Variants in ROBO1 observed in about 807,000 individuals in gnomAD.
The protein encoded by ROBO1 is roundabout homolog 1.
In ROBO1, 149 loss-of-function variants were observed where a neutral mutation model predicts 195.9. The observed-to-expected ratio is 0.76, with a 90% CI of 0.67 to 0.87. The LOEUF (loss-of-function observed/expected upper bound fraction) is 0.87. Ranked by LOEUF, ROBO1 falls within the 40% of genes least tolerant of loss-of-function variation. ROBO1 has a pLI of 0.00. For synonymous variants in ROBO1, 816 were observed against 733.2 expected, an observed-to-expected ratio of 1.11 and a Z score of -1.82; for missense variants, 1,933 against 2,068.3, an observed-to-expected ratio of 0.93 and a Z score of 1.27.
chr3:79,350,776 G>A (rs1475474338), intron 2 of ROBO1, among the ~76,000 whole-genome samples: 1 of 152,126 alleles, frequency 6.6e-6, no homozygotes, highest in East Asian at 1.9e-4. Flanking sequence ...TATTTTTAGT[G>A]CTGAGGGGAT....
At chr3:79,082,432 C>T (rs1260333173) in intron 3 of ROBO1, among the ~76,000 whole-genome samples, 6 of 151,974 alleles carry the variant, frequency 3.9e-5, no homozygotes, top group Admixed American at 2.6e-4. Flanking sequence ...AAGCATAACA[C>T]CTAATAAATC....
intron 5 of ROBO1, among the ~76,000 whole-genome samples, chr3:78,724,931 T>C (rs992165763): frequency 6.6e-6 from 1 of 152,176 alleles, no homozygotes; most frequent in Non-Finnish European, 1.5e-5. Flanking sequence ...CGGCTGGATT[T>C]GACAGTCGAA....
chr3:78,678,144 A>T (rs1280310824), intron 10 of ROBO1, among the ~76,000 whole-genome samples: 4 of 152,138 alleles, frequency 2.6e-5, no homozygotes, highest in Non-Finnish European at 5.9e-5. Flanking sequence ...AAGACACAAC[A>T]TACCAGAATC....
At chr3:79,193,305 G>A (rs574254177) in intron 2 of ROBO1, among the ~76,000 whole-genome samples, 81 of 151,702 alleles carry the variant, frequency 5.3e-4, no homozygotes, top group African/African-American at 1.9e-3. Context: ...TTATAACAAC[G>A]AATTCAGGAC....
At chr3:79,696,474 A>G (rs1323816152) in intron 1 of ROBO1, among the ~76,000 whole-genome samples, 1 of 149,820 alleles carries the variant, frequency 6.7e-6, no homozygotes, top group East Asian at 2.0e-4. Context: ...ATATATATAC[A>G]CACACAGGTA....
intron 2 of ROBO1, among the ~76,000 whole-genome samples, chr3:79,567,972 T>G (rs955401084): frequency 3.3e-5 from 5 of 152,120 alleles, no homozygotes; most frequent in African/African-American, 1.2e-4. Flanking sequence ...CTTAGATATG[T>G]TTTCTAAATT....
At chr3:79,681,935 T>C (rs977711774) in intron 1 of ROBO1, among the ~76,000 whole-genome samples, 1 of 152,080 alleles carries the variant, frequency 6.6e-6, no homozygotes, top group Non-Finnish European at 1.5e-5. Context: ...TATCATATTA[T>C]TTCATTGTTA....
intron 1 of ROBO1, among the ~76,000 whole-genome samples, chr3:79,708,530 C>T (rs1702149098): frequency 6.6e-6 from 1 of 152,050 alleles, no homozygotes; most frequent in Non-Finnish European, 1.5e-5. Context: ...AATTTTGCCT[C>T]CTCTACATGA....
intron 3 of ROBO1, among the ~76,000 whole-genome samples, chr3:78,997,025 G>A (rs2077383788): frequency 6.6e-6 from 1 of 152,050 alleles, no homozygotes; most frequent in Non-Finnish European, 1.5e-5. Context: ...ATTTTTGCTG[G>A]TCATAAATGG....
intron 4 of ROBO1, among the ~76,000 whole-genome samples, chr3:78,932,793 G>T (rs1314714324): frequency 6.6e-6 from 1 of 152,136 alleles, no homozygotes; most frequent in African/African-American, 2.4e-5. Flanking sequence ...GTTATCTCTG[G>T]ATAGCAGGAT....
chr3:79,506,128 T>C (rs1019762998), intron 2 of ROBO1, among the ~76,000 whole-genome samples: 21 of 151,850 alleles, frequency 1.4e-4, no homozygotes, highest in African/African-American at 4.6e-4. Context: ...TTTATTTATT[T>C]ATTATTATTA....
intron 4 of ROBO1, among the ~76,000 whole-genome samples, chr3:78,902,135 G>A (rs2037628156): frequency 6.6e-6 from 1 of 152,052 alleles, no homozygotes; most frequent in Admixed American, 6.6e-5. Flanking sequence ...TAAAGCTATT[G>A]TAGGGGTAAA....
intron 4 of ROBO1, among the ~76,000 whole-genome samples, chr3:78,765,558 T>C (rs972416900): frequency 1.3e-5 from 2 of 152,052 alleles, no homozygotes; most frequent in Non-Finnish European, 2.9e-5. Context: ...GAGTAGGAGA[T>C]ACACTGCCCA....
chr3:78,991,753 C>T lies in ROBO1; in HGVS notation c.173-52826G>A, dbSNP rs1420283355. Among the ~76,000 whole-genome samples the T allele has an allele frequency of 2.6e-5, 4 of 152,172 alleles. No homozygotes were observed. The East Asian group carries it at 7.7e-4, about 29-fold the overall frequency. ...AGGACTTTGATTAACGATACAGTTG[C>T]TTATTCCATAGGAAGGATTATCAGA... On this transcript the variant is annotated intron_variant, in intron 3 of 30. Coordinates refer to ENST00000464233, the MANE Select transcript of ROBO1 (RefSeq NM_002941.4).
At chr3:79,413,453 G>C (rs914818652) in intron 2 of ROBO1, among the ~76,000 whole-genome samples, 2 of 152,044 alleles carry the variant, frequency 1.3e-5, no homozygotes, top group Non-Finnish European at 2.9e-5. Context: ...AGGCAAGAGG[G>C]ATAGGAGGAG....
intron 1 of ROBO1, among the ~76,000 whole-genome samples, chr3:79,660,460 G>A (rs906985857): frequency 3.9e-5 from 6 of 152,062 alleles, no homozygotes; most frequent in African/African-American, 1.2e-4. Flanking sequence ...CAAGACACAC[G>A]AGAAGTTGTG....
chr3:78,717,472 C>A, intron 6 of ROBO1, 59 bp from the exon 7 acceptor site: 2 of 1,429,788 alleles, frequency 1.4e-6, no homozygotes, highest in Admixed American at 1.7e-5. Context: ...CTGAAAAACA[C>A]TTTAGGAGTT....
At position 78,597,889 on chromosome 3, in the gene ROBO1, C is replaced by CA; in HGVS notation, c.*1023dup. ...CTCAACATTTTTTTTTTCAATAAGACAAAAAAGGTTAATAGTTACAATGGT... is the reference window on the plus strand; with the variant it reads ...CTCAACATTTTTTTTTTCAATAAGACAAAAAAAGGTTAATAGTTACAATGGT... On this transcript the variant is annotated 3_prime_UTR_variant, in exon 31 of 31. Coordinates refer to ENST00000464233, the MANE Select transcript of ROBO1 (RefSeq NM_002941.4). 1.4e-5 allele frequency: 1 copy of CA among 70,172 alleles called. No homozygotes were observed. Among genetic ancestry groups the CA allele is most frequent in the East Asian group, 3.9e-4 (1 of 2,556 alleles). The allele number at this position is 70,172 out of a possible 1,614,324, so 4.3% of individuals were successfully genotyped here. A position where few individuals can be genotyped will look rare whatever the true frequency, so the allele number is the denominator to read the frequency against.
At chr3:78,626,246 A>T (rs1330130496) in intron 26 of ROBO1, among the ~76,000 whole-genome samples, 1 of 152,148 alleles carries the variant, frequency 6.6e-6, no homozygotes, top group African/African-American at 2.4e-5. Flanking sequence ...TATGGGAAAG[A>T]AGTGCCTTAT....
Sources: allele counts gnomAD v4.1 joint callset (sites outside exome capture counted in the v4.1 genomes callset), GRCh38; gene constraint gnomAD v4.1.1; transcripts MANE v1.5; gene names NCBI Gene and HGNC (gene_info 2026-07-23, HGNC 2026-07-21).